The following UBE2D2 variants were observed in gnomAD, a reference collection of about 807,000 sequenced individuals.
The protein encoded by UBE2D2 is ubiquitin-conjugating enzyme E2 D2.
UBE2D2 carries 2 observed loss-of-function variants against 24.2 expected under a neutral mutation model. The ratio of observed to expected loss-of-function variants is 0.08; its 90% CI spans 0.03 to 0.26. The LOEUF (loss-of-function observed/expected upper bound fraction) is 0.26. Ranked by LOEUF, UBE2D2 falls within the 10% of genes least tolerant of loss-of-function variation. The pLI is 1.00. For missense variants in UBE2D2, 44 were observed against 177.6 expected (o/e 0.25, Z 4.28); for synonymous variants, 58 against 56.5 (o/e 1.03, Z -0.12).
At chr5:139,535,514 A>G (rs1752657783) in intron 1 of UBE2D2, among the ~76,000 whole-genome samples, 1 of 151,982 alleles carries the variant, frequency 6.6e-6, no homozygotes, top group South Asian at 2.1e-4. Flanking sequence ...CTGTAATCCC[A>G]GCTACTTTGG....
At chr5:139,623,573 A>T in intron 6 of UBE2D2, 112 bp downstream of exon 6, 1 of 753,816 alleles carries the variant, frequency 1.3e-6, no homozygotes, top group Admixed American at 2.3e-5. Context: ...TGAAGTCCTA[A>T]TATACTCTCC....
intron 1 of UBE2D2, among the ~76,000 whole-genome samples, chr5:139,579,606 T>A (rs772762212): frequency 1.2e-3 from 178 of 152,234 alleles, no homozygotes; most frequent in Non-Finnish European, 1.8e-3. Context: ...ATGTTTTTTT[T>A]AAAAAGTCTT....
chr5:139,541,720 C>A (rs1752764731), intron 1 of UBE2D2, among the ~76,000 whole-genome samples: 2 of 150,540 alleles, frequency 1.3e-5, no homozygotes, highest in Admixed American at 1.3e-4. Context: ...TTAGCCTGAG[C>A]AACATAACTA....
chr5:139,534,595 G>T (rs1347819724), intron 1 of UBE2D2, among the ~76,000 whole-genome samples: 1 of 151,542 alleles, frequency 6.6e-6, no homozygotes, highest in Admixed American at 6.6e-5. Context: ...AATTAGCCAG[G>T]CATGGTGGCA....
At chr5:139,559,262 TAAA>T (rs953375514), upstream of UBE2D2, among the ~76,000 whole-genome samples, 1 of 151,902 alleles carries the variant, frequency 6.6e-6, no homozygotes, top group Non-Finnish European at 1.5e-5. Flanking sequence ...CCGTTTCTAC[TAAA>T]AATACAAAAA....
At chr5:139,586,190 A>AT (rs200665210) in intron 1 of UBE2D2, among the ~76,000 whole-genome samples, 64 of 144,804 alleles carry the variant, frequency 4.4e-4, no homozygotes, top group African/African-American at 8.0e-4. Flanking sequence ...CTAGCTTAGA[A>AT]TTTTTTTTTT....
At chr5:139,533,516 G>T (rs1337108729) in intron 1 of UBE2D2, among the ~76,000 whole-genome samples, 1 of 151,702 alleles carries the variant, frequency 6.6e-6, no homozygotes, top group East Asian at 2.0e-4. Flanking sequence ...TGGGCGTGGT[G>T]TCTGGCGCCG....
chr5:139,604,880 T>TA (rs201379778), intron 2 of UBE2D2, among the ~76,000 whole-genome samples: 2,922 of 127,240 alleles, frequency 0.023, 77 homozygotes, highest in African/African-American at 0.07. Context: ...ACCCAGTCTC[T>TA]AAAAAAAAAA....
intron 2 of UBE2D2, among the ~76,000 whole-genome samples, chr5:139,603,596 T>G (rs1754128716): frequency 1.7e-5 from 2 of 118,412 alleles, no homozygotes; most frequent in Admixed American, 1.2e-4. Flanking sequence ...CACTCCAGCC[T>G]GGGTGACAGA....
intron 5 of UBE2D2, among the ~76,000 whole-genome samples, chr5:139,616,899 T>G (rs1027407884): frequency 3.9e-5 from 6 of 152,186 alleles, no homozygotes; most frequent in Non-Finnish European, 7.3e-5. Flanking sequence ...GTATTGACCC[T>G]GGCCAGGCAT....
At chr5:139,584,226 C>T (rs1420495818) in intron 1 of UBE2D2, among the ~76,000 whole-genome samples, 1 of 152,080 alleles carries the variant, frequency 6.6e-6, no homozygotes, top group Non-Finnish European at 1.5e-5. Context: ...TACACAGATA[C>T]TATTGTGTTA....
intron 2 of UBE2D2, among the ~76,000 whole-genome samples, chr5:139,601,504 A>G: frequency 6.6e-6 from 1 of 152,196 alleles, no homozygotes; most frequent in East Asian, 1.9e-4. Context: ...GCTACTTGGA[A>G]GGCTAAGGTG....
At chr5:139,588,219 T>TC (rs2126672810) in intron 1 of UBE2D2, among the ~76,000 whole-genome samples, 1 of 152,134 alleles carries the variant, frequency 6.6e-6, no homozygotes, top group South Asian at 2.1e-4. Flanking sequence ...TGCCTCAGCC[T>TC]CCACTGCACC....
intron 1 of UBE2D2, among the ~76,000 whole-genome samples, chr5:139,545,438 T>C (rs1752813682): frequency 6.6e-6 from 1 of 151,682 alleles, no homozygotes; most frequent in South Asian, 2.1e-4. Flanking sequence ...TTTTTTAATT[T>C]TTTTTTGTGG....
intron 1 of UBE2D2, among the ~76,000 whole-genome samples, chr5:139,578,434 TTGTGTGTGTGTGTGTG>T (rs34697798): frequency 4.1e-5 from 6 of 145,074 alleles, no homozygotes; most frequent in Non-Finnish European, 6.0e-5. Context: ...GTTTTGTGTT[TTGTGTGTGTGTGTGTG>T]TGTGTGTGTG....
chr5:139,614,472 CATT>C (rs1350694770), intron 2 of UBE2D2, 111 bp from the exon 3 acceptor site: 9 of 1,225,438 alleles, frequency 7.3e-6, no homozygotes, highest in East Asian at 7.2e-5. Flanking sequence ...TGCTCATACT[CATT>C]ATCATATTAT....
intron 1 of UBE2D2, among the ~76,000 whole-genome samples, chr5:139,584,515 TC>T (rs1169485095): frequency 6.7e-6 from 1 of 148,744 alleles, no homozygotes; most frequent in African/African-American, 2.6e-5. Context: ...AACACCTTTT[TC>T]TTTTTTCTTT....
At chr5:139,551,059 C>G (rs1455362000) in intron 1 of UBE2D2, among the ~76,000 whole-genome samples, 1 of 152,076 alleles carries the variant, frequency 6.6e-6, no homozygotes, top group East Asian at 1.9e-4. Flanking sequence ...GAATATTTCA[C>G]CGGCGGGGGA....
intron 2 of UBE2D2, among the ~76,000 whole-genome samples, chr5:139,613,596 CCTTTTTTCT>C (rs1754367320): frequency 6.6e-6 from 1 of 152,114 alleles, no homozygotes; most frequent in Non-Finnish European, 1.5e-5. Flanking sequence ...AAATTTTACT[CCTTTTTTCT>C]CTTTTTTCCT....
Sources: allele counts gnomAD v4.1 joint callset (sites outside exome capture counted in the v4.1 genomes callset), GRCh38; gene constraint gnomAD v4.1.1; transcripts MANE v1.5; gene names NCBI Gene and HGNC (gene_info 2026-07-23, HGNC 2026-07-21).